GPC5: variants seen among roughly 807,000 people sequenced by gnomAD.
GPC5 encodes the protein glypican 5, also known as glypican-5.
GPC5 carries 47 observed loss-of-function variants against 53.9 expected under a neutral mutation model. The observed-to-expected ratio is 0.87, with a 90% CI of 0.69 to 1.11. GPC5 has a LOEUF of 1.11. Among genes scored for constraint, GPC5 ranks in the 50% most tolerant of loss-of-function variants. GPC5 has a pLI of 0.00. For missense variants in GPC5, 748 were observed against 713.1 expected, an observed-to-expected ratio of 1.05 and a Z score of -0.56; for synonymous variants, 286 against 263.3, an observed-to-expected ratio of 1.09 and a Z score of -0.84.
At chr13:91,658,088 A>G (rs1436051337) in intron 2 of GPC5, among the ~76,000 whole-genome samples, 1 of 152,120 alleles carries the variant, frequency 6.6e-6, no homozygotes, top group African/African-American at 2.4e-5. Flanking sequence ...ATATAAATAC[A>G]TATTAAAATA....
At chr13:91,782,252 A>G (rs1459509536) in intron 5 of GPC5, among the ~76,000 whole-genome samples, 2 of 152,144 alleles carry the variant, frequency 1.3e-5, no homozygotes, top group Non-Finnish European at 2.9e-5. Flanking sequence ...CTACTTTCCA[A>G]GCTGTGTTTT....
intron 7 of GPC5, among the ~76,000 whole-genome samples, chr13:92,150,952 G>A (rs1025857642): frequency 1.6e-4 from 24 of 151,290 alleles, no homozygotes; most frequent in African/African-American, 4.9e-4. Context: ...CTTAGCCAAA[G>A]TCATATAGCT....
At chr13:92,112,457 G>A (rs771506221) in intron 6 of GPC5, among the ~76,000 whole-genome samples, 2 of 152,080 alleles carry the variant, frequency 1.3e-5, no homozygotes, top group Non-Finnish European at 2.9e-5. Flanking sequence ...AATTCTTGGA[G>A]AACAAGAAGA....
At chr13:91,694,528 A>G (rs1283322162) in intron 3 of GPC5, among the ~76,000 whole-genome samples, 1 of 152,226 alleles carries the variant, frequency 6.6e-6, no homozygotes, top group Non-Finnish European at 1.5e-5. Flanking sequence ...TTTTTAAAAC[A>G]CAATCATCAA....
intron 7 of GPC5, among the ~76,000 whole-genome samples, chr13:92,154,717 A>G (rs2041931068): frequency 6.6e-6 from 1 of 152,210 alleles, no homozygotes; most frequent in Non-Finnish European, 1.5e-5. Context: ...ACTTAGATGT[A>G]CTAAGCTCAG....
At chr13:92,064,010 A>G (rs1246530510) in intron 6 of GPC5, among the ~76,000 whole-genome samples, 1 of 152,064 alleles carries the variant, frequency 6.6e-6, no homozygotes, top group Non-Finnish European at 1.5e-5. Context: ...AGAGAGAGAG[A>G]GCTGCCATTT....
intron 7 of GPC5, among the ~76,000 whole-genome samples, chr13:92,155,004 A>G (rs2041933459): frequency 6.6e-6 from 1 of 152,182 alleles, no homozygotes; most frequent in African/African-American, 2.4e-5. Flanking sequence ...TTCTATGGTT[A>G]TACTAGAGAT....
chr13:91,633,701 G>A (rs1407327028), intron 2 of GPC5, among the ~76,000 whole-genome samples: 1 of 152,122 alleles, frequency 6.6e-6, no homozygotes, highest in East Asian at 1.9e-4. Context: ...AATTTACCGT[G>A]TTTGAAATTT....
intron 6 of GPC5, among the ~76,000 whole-genome samples, chr13:91,950,285 T>TC (rs71113775): frequency 2.7e-5 from 4 of 149,762 alleles, no homozygotes; most frequent in Non-Finnish European, 5.9e-5. Context: ...TTTTTTTTTT[T>TC]CATGAATTAG....
At chr13:91,987,475 G>T (rs1011129010) in intron 6 of GPC5, among the ~76,000 whole-genome samples, 1 of 152,114 alleles carries the variant, frequency 6.6e-6, no homozygotes, top group Non-Finnish European at 1.5e-5. Flanking sequence ...AGATTTGAAA[G>T]TTCACAGGGA....
intron 1 of GPC5, among the ~76,000 whole-genome samples, chr13:91,422,738 CA>C (rs1566381170): frequency 6.6e-6 from 1 of 152,078 alleles, no homozygotes; most frequent in Non-Finnish European, 1.5e-5. Flanking sequence ...GGGGACTCTG[CA>C]GAGTCCTGAG....
intron 7 of GPC5, among the ~76,000 whole-genome samples, chr13:92,150,924 A>G (rs1210512087): frequency 6.6e-6 from 1 of 151,962 alleles, no homozygotes; most frequent in African/African-American, 2.4e-5. Context: ...AAATATTATC[A>G]GGTAAATTTT....
At chr13:91,861,902 G>T (rs2039033876) in intron 5 of GPC5, among the ~76,000 whole-genome samples, 1 of 148,848 alleles carries the variant, frequency 6.7e-6, no homozygotes, top group African/African-American at 2.5e-5. Context: ...TTACTTGGAG[G>T]TTTTTTTTTA....
At chr13:92,855,185 A>G (rs1192390396) in intron 7 of GPC5, among the ~76,000 whole-genome samples, 1 of 152,020 alleles carries the variant, frequency 6.6e-6, no homozygotes, top group East Asian at 1.9e-4. Flanking sequence ...GTTAATGACT[A>G]GTATATATAG....
At chr13:92,546,621 C>T (rs1264459388) in intron 7 of GPC5, among the ~76,000 whole-genome samples, 5 of 152,050 alleles carry the variant, frequency 3.3e-5, no homozygotes, top group African/African-American at 9.7e-5. Flanking sequence ...CAATGCCATC[C>T]CCATCAAATT....
rs188768166 is a variant in GPC5, at chr13:91,791,293, A to T, written c.1280+34873A>T. On this transcript the variant is annotated intron_variant, in intron 5 of 7. Transcript: ENST00000377067. ...AGGTGGAAGTCAGGAAGGAATGCCG[A>T]GGTAGAGCCAATGCTATAGGAATTG... 4.5e-3 allele frequency among the ~76,000 whole-genome samples: 685 copies of T among 152,286 alleles called. 4 individuals carry two copies. The highest frequency in any genetic ancestry group is 0.016 in the African/African-American group (660 of 41,564).
chr13:91,501,167 A>C (rs1001356270), intron 2 of GPC5, among the ~76,000 whole-genome samples: 1 of 150,832 alleles, frequency 6.6e-6, no homozygotes, highest in East Asian at 2.0e-4. Context: ...GTTAGCTTTT[A>C]GTTTAATATC....
chr13:91,467,935 G>T (rs1006353461), intron 2 of GPC5, among the ~76,000 whole-genome samples: 6 of 152,048 alleles, frequency 3.9e-5, no homozygotes, highest in Non-Finnish European at 8.8e-5. Context: ...GTCAGGATTG[G>T]CCAGGTTTAC....
At chr13:92,359,708 T>C (rs1029226752) in intron 7 of GPC5, among the ~76,000 whole-genome samples, 1 of 151,730 alleles carries the variant, frequency 6.6e-6, no homozygotes. Context: ...ACATCTTACA[T>C]GGCTGAAGCA....
Sources: gnomAD v4.1 joint callset for allele counts (sites outside exome capture counted in the v4.1 genomes callset) on GRCh38, gnomAD v4.1.1 for gene constraint, MANE v1.5 for transcripts, NCBI Gene and HGNC (gene_info 2026-07-23, HGNC 2026-07-21) for gene names.